NPAT: variants seen among roughly 807,000 people sequenced by gnomAD.
NPAT encodes protein NPAT.
Under a neutral mutation model 130.7 loss-of-function variants are expected in NPAT, and 52 were observed. The observed-to-expected ratio is 0.40, with a 90% CI of 0.32 to 0.50. The LOEUF (loss-of-function observed/expected upper bound fraction) is 0.50, where lower values mean the gene tolerates loss of function less well. NPAT is among the 20% of genes least tolerant of loss of function. The pLI is 0.68. For synonymous variants in NPAT, 580 were observed against 584.8 expected (o/e 0.99, Z 0.12); for missense variants, 1,687 against 1,662.6 (o/e 1.01, Z -0.26).
intron 13 of NPAT, 44 bp from the exon 14 acceptor site, chr11:108,170,087 T>C: frequency 7.6e-7 from 1 of 1,318,470 alleles, no homozygotes; most frequent in Non-Finnish European, 1.1e-6. Flanking sequence ...CTCTGAAATG[T>C]TTTGGCACAA....
At chr11:108,169,317 G>T (rs961979413) in intron 15 of NPAT, among the ~76,000 whole-genome samples, 25 of 152,128 alleles carry the variant, frequency 1.6e-4, no homozygotes, top group Non-Finnish European at 2.9e-4. Context: ...TAGAAATGAG[G>T]AATTTCAGGT....
intron 1 of NPAT, among the ~76,000 whole-genome samples, chr11:108,212,958 A>G (rs2078398538): frequency 6.9e-6 from 1 of 145,268 alleles, no homozygotes; most frequent in Non-Finnish European, 1.5e-5. Context: ...AAAAAAAAAA[A>G]AAAAAAAAAA....
At chr11:108,185,554 T>A in intron 8 of NPAT, 60 bp from the exon 9 acceptor site, 2 of 1,145,500 alleles carry the variant, frequency 1.7e-6, no homozygotes, top group Non-Finnish European at 2.6e-6. Context: ...TATTTAATAT[T>A]TATAAGAAAA....
intron 5 of NPAT, 141 bp downstream of exon 5, chr11:108,190,319 A>C (rs2078156336): frequency 5.0e-5 from 24 of 476,148 alleles, no homozygotes; most frequent in Non-Finnish European, 6.1e-5. Flanking sequence ...TCTCAAAAAA[A>C]AAAAAAAAAA....
intron 12 of NPAT, among the ~76,000 whole-genome samples, chr11:108,175,551 A>C (rs1167514900): frequency 6.6e-6 from 1 of 152,242 alleles, no homozygotes; most frequent in Non-Finnish European, 1.5e-5. Context: ...GGAAGAACTT[A>C]AGTGAAACAC....
chr11:108,164,778 G>A (rs562359544), intron 15 of NPAT, among the ~76,000 whole-genome samples: 16 of 152,256 alleles, frequency 1.1e-4, no homozygotes, highest in African/African-American at 3.6e-4. Flanking sequence ...TTGGGAGGCC[G>A]AGGCAGGCAG....
chr11:108,172,444 C>T lies in NPAT; in HGVS notation c.2540G>A (p.Gly847Glu), dbSNP rs1179432972. ...ANVTPCVSKD[G>E]GYIQLMPATS... ...GGCTGGCATCAACTGTATATATCCT[C>T]CATCCTTGGAAACACATGGTGTAAC... The change falls in exon 13 of 18, where the codon GGA becomes GAA. Residue 847 changes from glycine to glutamate, a missense_variant. Physicochemically the swap from Gly to Glu is moderately conservative, Grantham distance 98 (BLOSUM62 -2). Transcript: ENST00000278612. 1.2e-6 allele frequency: 2 copies of T among 1,614,048 alleles called. No homozygotes were observed. The highest frequency in any genetic ancestry group is 1.3e-5 in the African/African-American group (1 of 74,938).
In NPAT at chr11:108,203,959, C is replaced by G. The variant is rs536901384; in HGVS notation, c.38-6539G>C. 3.3e-5 allele frequency among the ~76,000 whole-genome samples: 5 copies of G among 152,240 alleles called. No individual in the cohort carries two copies. The South Asian group carries it at 1.0e-3, about 32-fold the overall frequency. ...AATTTGTTTCTTCTCAATTAGAGAT[C>G]ATTAAACTCCATATGGTCATGCAAA... On this transcript the variant is annotated intron_variant, in intron 1 of 17. Coordinates refer to ENST00000278612, the MANE Select transcript of NPAT (RefSeq NM_002519.3).
chr11:108,211,718 A>G (rs1375631133), intron 1 of NPAT, among the ~76,000 whole-genome samples: 3 of 152,234 alleles, frequency 2.0e-5, no homozygotes, highest in African/African-American at 4.8e-5. Flanking sequence ...CGAAAGTCAC[A>G]TTATCATGGA....
At chr11:108,194,347 A>G (rs1026216589) in intron 2 of NPAT, among the ~76,000 whole-genome samples, 1 of 152,188 alleles carries the variant, frequency 6.6e-6, no homozygotes, top group Non-Finnish European at 1.5e-5. Flanking sequence ...TATATATTAA[A>G]ATAACTACAG....
Position 108,172,768 on chromosome 11 carries a change from G to A in NPAT, c.2216C>T (p.Ser739Phe). ...ATCATCACTAATGATAACTTTGAGA[G>A]AGACGATATTTGATGCATCTATCTC... Reference protein sequence around the residue: ...SAEIDASNIVSLKVIISDDPF... With the variant: ...SAEIDASNIVFLKVIISDDPF... The change falls in exon 13 of 18, where the codon TCT (serine) becomes TTT (phenylalanine). Residue 739 changes from serine to phenylalanine, a missense_variant. Transcript: ENST00000278612. The A allele has an allele frequency of 6.2e-7, 1 of 1,613,578 alleles. No homozygotes were observed. Among genetic ancestry groups the A allele is most frequent in the Non-Finnish European group, 8.5e-7 (1 of 1,179,994 alleles).
At chr11:108,207,698 G>A (rs910419414) in intron 1 of NPAT, among the ~76,000 whole-genome samples, 1 of 152,226 alleles carries the variant, frequency 6.6e-6, no homozygotes, top group Non-Finnish European at 1.5e-5. Flanking sequence ...GGGAGTAGGC[G>A]CTTCCAAGCC....
intron 10 of NPAT, among the ~76,000 whole-genome samples, chr11:108,182,189 T>C (rs1245849017): frequency 6.6e-6 from 1 of 152,150 alleles, no homozygotes; most frequent in African/African-American, 2.4e-5. Context: ...AGTGTGCTTT[T>C]TCCCCTTGTC....
rs2077820103 is a variant in NPAT at position 108,158,883 on chromosome 11, A to C, written c.*59T>G. On this transcript the variant is annotated 3_prime_UTR_variant, in exon 18 of 18. Coordinates refer to ENST00000278612, the MANE Select transcript of NPAT (RefSeq NM_002519.3). ...AGATTCTGTCAATATCCCATTCCCT[A>C]CACTCAGTTTAAGGGATATGAGTTT... 1.0e-6 allele frequency: 1 copy of C among 964,398 alleles called. No homozygotes were observed. The allele number at this position is 964,398 out of a possible 1,614,324, so 59.7% of individuals were successfully genotyped here. A position where few individuals can be genotyped will look rare whatever the true frequency, so the allele number is the denominator to read the frequency against.
intron 1 of NPAT, among the ~76,000 whole-genome samples, chr11:108,213,181 G>T (rs1269047506): frequency 6.6e-6 from 1 of 151,888 alleles, no homozygotes; most frequent in African/African-American, 2.4e-5. Flanking sequence ...GCTGAGGCAG[G>T]AGAATCGCTT....
intron 1 of NPAT, among the ~76,000 whole-genome samples, chr11:108,200,708 A>G (rs765065200): frequency 2.0e-4 from 30 of 152,164 alleles, no homozygotes; most frequent in Non-Finnish European, 3.5e-4. Context: ...CCCTTGTAAT[A>G]CTCTGATATT....
intron 1 of NPAT, among the ~76,000 whole-genome samples, chr11:108,207,632 C>T (rs1591415693): frequency 6.6e-6 from 1 of 152,382 alleles, no homozygotes; most frequent in African/African-American, 2.4e-5. Context: ...CAGGCTCAGC[C>T]TCAACTTTAC....
intron 4 of NPAT, 76 bp from the exon 5 acceptor site, chr11:108,190,576 G>C: frequency 1.5e-6 from 2 of 1,335,328 alleles, no homozygotes; most frequent in Non-Finnish European, 1.1e-6. Flanking sequence ...GTTACAGTCA[G>C]ACCTCAAGTT....
intron 1 of NPAT, among the ~76,000 whole-genome samples, chr11:108,206,370 G>C (rs1001780526): frequency 6.6e-6 from 1 of 152,208 alleles, no homozygotes; most frequent in Admixed American, 6.5e-5. Flanking sequence ...TCCCATGCCT[G>C]CTGGTGGTGA....
Sources: gnomAD v4.1 joint callset for allele counts (sites outside exome capture counted in the v4.1 genomes callset) on GRCh38, gnomAD v4.1.1 for gene constraint, MANE v1.5 for transcripts, NCBI Gene and HGNC (gene_info 2026-07-23, HGNC 2026-07-21) for gene names.